The following TTC17 variants were observed in gnomAD, a reference collection of about 807,000 sequenced individuals.
TTC17 encodes tetratricopeptide repeat protein 17.
TTC17 carries 58 observed loss-of-function variants against 143.8 expected under a neutral mutation model. The ratio of observed to expected loss-of-function variants is 0.40; its 90% CI spans 0.33 to 0.50. The LOEUF is 0.50. TTC17 is among the 20% of genes least tolerant of loss of function. TTC17 has a pLI of 0.49. For synonymous variants in TTC17, 501 were observed against 497.8 expected, an observed-to-expected ratio of 1.01 and a Z score of -0.09; for missense variants, 1,273 against 1,392.5, an observed-to-expected ratio of 0.91 and a Z score of 1.37.
chr11:43,380,257 T>G (rs2134483174), intron 2 of TTC17, among the ~76,000 whole-genome samples: 1 of 150,940 alleles, frequency 6.6e-6, no homozygotes, highest in South Asian at 2.1e-4. Flanking sequence ...TTTTGTTTTG[T>G]TTTGTTTTGT....
chr11:43,486,583 C>T, intron 21 of TTC17: 2 of 275,236 alleles, frequency 7.3e-6, no homozygotes, highest in Non-Finnish European at 1.6e-5. Context: ...ATAAAGATAA[C>T]ATTTAGAATA....
intron 21 of TTC17, among the ~76,000 whole-genome samples, chr11:43,489,012 A>G (rs1948426412): frequency 6.6e-6 from 1 of 152,166 alleles, no homozygotes; most frequent in Non-Finnish European, 1.5e-5. Context: ...GGAATGAGGT[A>G]GGGCTTCCTA....
intron 21 of TTC17, among the ~76,000 whole-genome samples, chr11:43,482,211 C>T (rs757249564): frequency 2.0e-5 from 3 of 150,548 alleles, no homozygotes; most frequent in South Asian, 2.1e-4. Flanking sequence ...CCTTGTCTTC[C>T]GCTTGCTTAG....
chr11:43,436,222 C>T (rs2134701440), intron 16 of TTC17: 2 of 1,482,900 alleles, frequency 1.3e-6, no homozygotes, highest in Non-Finnish European at 1.8e-6. Context: ...ATTTTGACAA[C>T]TCACAGTCAC....
chr11:43,436,349 C>T, intron 16 of TTC17: 1 of 1,251,284 alleles, frequency 8.0e-7, no homozygotes, highest in Non-Finnish European at 1.0e-6. Context: ...GTTGATTTGA[C>T]CTGAGCTGTG....
At chr11:43,403,027 A>G (rs1159456814) in intron 10 of TTC17, among the ~76,000 whole-genome samples, 1 of 152,146 alleles carries the variant, frequency 6.6e-6, no homozygotes, top group African/African-American at 2.4e-5. Context: ...TCCTATGAGT[A>G]TTGTAAACCA....
chr11:43,432,542 A>C (rs1030287307), intron 16 of TTC17, among the ~76,000 whole-genome samples: 2 of 152,244 alleles, frequency 1.3e-5, no homozygotes, highest in Non-Finnish European at 2.9e-5. Flanking sequence ...CGTTACCTAA[A>C]GCATTTTGTT....
At position 43,387,116 on chromosome 11, in the gene TTC17, TGGG is replaced by T. The variant is rs555764766; in HGVS notation, c.250-2532_250-2530del. Reference sequence around the variant, plus strand: ...CAGTTTTTTAAAGAAGAAAAGCTATTGGGGGGAAAAAATAAGCAAACTTAAACA... The same window carrying T: ...CAGTTTTTTAAAGAAGAAAAGCTATTGGGAAAAAATAAGCAAACTTAAACA... On this transcript the variant is annotated intron_variant, in intron 2 of 23. Transcript: ENST00000039989. Among the ~76,000 whole-genome samples, 12 of 152,206 alleles carry T rather than the reference TGGG, an allele frequency of 7.9e-5. No homozygotes were observed. The South Asian group carries it at 2.1e-3, about 26-fold the overall frequency.
At chr11:43,367,367 G>C (rs78561489) in intron 1 of TTC17, among the ~76,000 whole-genome samples, 1 of 151,996 alleles carries the variant, frequency 6.6e-6, no homozygotes, top group Non-Finnish European at 1.5e-5. Context: ...TAATGCGCAG[G>C]CATCAAAAAG....
intron 13 of TTC17, 106 bp from the exon 14 acceptor site, chr11:43,407,032 T>C: frequency 1.4e-6 from 1 of 712,918 alleles, no homozygotes; most frequent in Non-Finnish European, 2.3e-6. Context: ...TTGTTCAAAT[T>C]AGCTGTTCCT....
Position 43,448,204 on chromosome 11 carries a change from G to A in TTC17, c.2786+82G>A, listed in dbSNP as rs199540914. ...TGACTTTAAGGATCCCCTCTTAGCAGCTAGTAGAAGAGTTATCCTTTCTAG... is the reference window on the plus strand; with the variant it reads ...TGACTTTAAGGATCCCCTCTTAGCAACTAGTAGAAGAGTTATCCTTTCTAG... On this transcript the variant is annotated intron_variant, in intron 19 of 23. Transcript: ENST00000039989. The A allele has an allele frequency of 2.2e-5, 34 of 1,554,064 alleles. No individual in the cohort carries two copies. In the East Asian group the frequency reaches 4.8e-4, roughly 22 times the overall value.
chr11:43,426,740 G>C (rs1947037280), intron 16 of TTC17, among the ~76,000 whole-genome samples: 1 of 152,152 alleles, frequency 6.6e-6, no homozygotes, highest in Non-Finnish European at 1.5e-5. Flanking sequence ...AGGATCTTGA[G>C]TTCTCATTTC....
intron 21 of TTC17, among the ~76,000 whole-genome samples, chr11:43,478,521 G>A (rs1948226851): frequency 6.6e-6 from 1 of 152,156 alleles, no homozygotes. Context: ...ATGGATGAGG[G>A]TATAGATGAA....
At chr11:43,437,930 A>G (rs993496459) in intron 16 of TTC17, among the ~76,000 whole-genome samples, 6 of 152,226 alleles carry the variant, frequency 3.9e-5, no homozygotes, top group African/African-American at 1.4e-4. Context: ...GTGGCAACAA[A>G]TACTTATGAT....
intron 21 of TTC17, among the ~76,000 whole-genome samples, chr11:43,475,155 A>ATT (rs980829146): frequency 8.5e-5 from 13 of 152,174 alleles, no homozygotes; most frequent in Non-Finnish European, 1.6e-4. Flanking sequence ...CCCTAATGAG[A>ATT]TTTACCCTAA....
At chr11:43,432,193 G>A (rs113531716) in intron 16 of TTC17, among the ~76,000 whole-genome samples, 2 of 151,250 alleles carry the variant, frequency 1.3e-5, no homozygotes, top group African/African-American at 4.9e-5. Context: ...TTAGCCACAT[G>A]ATAAATTGTG....
chr11:43,361,379 A>T (rs2134422648), intron 1 of TTC17, among the ~76,000 whole-genome samples: 1 of 152,354 alleles, frequency 6.6e-6, no homozygotes, highest in South Asian at 2.1e-4. Flanking sequence ...TTATGTGCTG[A>T]TAAACTCATT....
chr11:43,477,375 A>C (rs1317327327), intron 21 of TTC17, among the ~76,000 whole-genome samples: 1 of 152,040 alleles, frequency 6.6e-6, no homozygotes, highest in African/African-American at 2.4e-5. Context: ...GCAGTGCCCC[A>C]CTCTGCTAGT....
chr11:43,382,078 A>T (rs1171180948), intron 2 of TTC17, among the ~76,000 whole-genome samples: 1 of 152,220 alleles, frequency 6.6e-6, no homozygotes, highest in Non-Finnish European at 1.5e-5. Context: ...GACTAGATAA[A>T]ACAGTTTATC....
Sources: allele counts gnomAD v4.1 joint callset (sites outside exome capture counted in the v4.1 genomes callset), GRCh38; gene constraint gnomAD v4.1.1; transcripts MANE v1.5; gene names NCBI Gene and HGNC (gene_info 2026-07-23, HGNC 2026-07-21).